The following TGM1 variants were observed in gnomAD, a reference collection of about 807,000 sequenced individuals.
TGM1 encodes transglutaminase 1.
Under a neutral mutation model 88.7 loss-of-function variants are expected in TGM1, and 63 were observed. That is an observed-to-expected ratio of 0.71 (90% CI 0.58 to 0.88). The LOEUF is 0.88. TGM1 is among the 40% of genes least tolerant of loss of function. The probability of loss-of-function intolerance (pLI) is 0.00; values close to 1 mark genes in which losing one functional copy is unlikely to be tolerated. For synonymous variants in TGM1, 415 were observed against 431.1 expected (o/e 0.96, Z 0.46); for missense variants, 996 against 1,118.0 (o/e 0.89, Z 1.56).
chr14:24,261,654 A>G (rs757536573), intron 3 of TGM1, 41 bp downstream of exon 3: 2 of 1,613,118 alleles, frequency 1.2e-6, no homozygotes, highest in East Asian at 2.2e-5. Flanking sequence ...CTCCCCACCA[A>G]ACATAGGGCC....
chr14:24,255,637 A>G lies in TGM1; in HGVS notation c.1492-120T>C, dbSNP rs2040744581. The G allele has an allele frequency of 1.3e-5, 18 of 1,392,156 alleles. No homozygotes were observed. Among genetic ancestry groups the G allele is most frequent in the Non-Finnish European group, 1.8e-5 (18 of 1,004,016 alleles). The allele number at this position is 1,392,156 out of a possible 1,614,324, so 86.2% of individuals were successfully genotyped here. A position where few individuals can be genotyped will look rare whatever the true frequency, so the allele number is the denominator to read the frequency against. On this transcript the variant is annotated intron_variant, in intron 10 of 14. Transcript: ENST00000206765. This position sits in a 1 kb window ranked among gnomAD's most constrained non-coding sequence, Gnocchi z 4.0. ...GACAGGGCTTGGTCCCAAGGGTGGG[A>G]GCTTCCTGGCAGAGCCCAAGGGGAG...
chr14:24,251,167 T>C (rs2855094), intron 14 of TGM1, among the ~76,000 whole-genome samples: 134,541 of 152,174 alleles, frequency 0.88, 59,556 homozygotes, highest in Admixed American at 0.92. Flanking sequence ...TTCTGAGCTC[T>C]CTGAAGGAGG....
chr14:24,252,518 T>C (rs945105197), intron 14 of TGM1, among the ~76,000 whole-genome samples: 1 of 152,148 alleles, frequency 6.6e-6, no homozygotes, highest in Non-Finnish European at 1.5e-5. Context: ...TGGGCAAGAC[T>C]AGCAGAGCAG....
Position 24,258,605 on chromosome 14 carries a change from ATG to A in TGM1, c.1226_1227del (p.Thr409IlefsTer21), listed in dbSNP as rs1555306113. 1.2e-6 allele frequency: 2 copies of A among 1,614,190 alleles called. No individual in the cohort carries two copies. Among genetic ancestry groups the A allele is most frequent in the Non-Finnish European group, 1.7e-6 (2 of 1,180,042 alleles). On this transcript the variant is annotated frameshift_variant, in exon 8 of 15. Transcript: ENST00000206765. LOFTEE classifies it high-confidence loss of function. The part of the protein sequence containing the change: ...TNFNSAHDTD[T>X]SLTMDIYFDE... ...TCGAAGTAGATGTCCATGGTAAGGG[ATG>A]TGTCTGTGTCGTGGGCGGAGTTGAA... is the stretch of plus-strand genomic sequence containing the variant.
chr14:24,255,562 T>A lies in TGM1; in HGVS notation c.1492-45A>T. 1.9e-6 allele frequency: 3 copies of A among 1,610,662 alleles called. No homozygotes were observed. Among genetic ancestry groups the A allele is most frequent in the Non-Finnish European group, 1.7e-6 (2 of 1,179,518 alleles). ...GCAGGAATGAGTGAGCCAGAGGGTC[T>A]GAGGGTGGCCTGACTCCCGGCCTCC... On this transcript the variant is annotated intron_variant, in intron 10 of 14. Coordinates refer to ENST00000206765, the MANE Select transcript of TGM1 (RefSeq NM_000359.3). The surrounding 1 kb of genome is among the most constrained non-coding windows in gnomAD (Gnocchi z 4.0).
intron 14 of TGM1, 40 bp from the exon 15 acceptor site, chr14:24,249,581 G>C (rs1367590740): frequency 1.9e-6 from 3 of 1,562,544 alleles, no homozygotes; most frequent in Admixed American, 3.5e-5. Flanking sequence ...GAGTAATTGG[G>C]GGTGGAGTGG....
intron 14 of TGM1, 139 bp downstream of exon 14, chr14:24,254,013 G>C: frequency 1.6e-6 from 2 of 1,241,312 alleles, no homozygotes; most frequent in Non-Finnish European, 2.3e-6. Context: ...GGGAGGTATT[G>C]CTAGCTGGCC....
Position 24,259,692 on chromosome 14 carries a change from G to A in TGM1, c.984+12C>T. On this transcript the variant is annotated intron_variant, in intron 6 of 14. Transcript: ENST00000206765. This position sits in a 1 kb window ranked among gnomAD's most constrained non-coding sequence, Gnocchi z 5.7. ...CACACACAGTAGGACTCAGAGATGT[G>A]AGGGTGCTCACCATGGCAGAGATGA... 1 of 1,603,580 alleles carries A rather than the reference G, an allele frequency of 6.2e-7. No individual in the cohort carries two copies. Among genetic ancestry groups the A allele is most frequent in the Non-Finnish European group, 8.5e-7 (1 of 1,173,954 alleles).
At chr14:24,249,779 CT>C (rs1262638203) in intron 14 of TGM1, among the ~76,000 whole-genome samples, 4 of 152,126 alleles carry the variant, frequency 2.6e-5, no homozygotes, top group Admixed American at 2.6e-4. Flanking sequence ...GGACTCCTCC[CT>C]CCCTGCTCCC....
At position 24,259,661 on chromosome 14, in the gene TGM1, C is replaced by T; in HGVS notation, c.984+43G>A. 5.3e-6 allele frequency: 8 copies of T among 1,520,694 alleles called. No homozygotes were observed. The highest frequency in any genetic ancestry group is 7.2e-6 in the Non-Finnish European group (8 of 1,107,192). 94.2% of individuals were successfully genotyped at this position (1,520,694 alleles called of 1,614,324 possible). On this transcript the variant is annotated intron_variant, in intron 6 of 14. Transcript: ENST00000206765. The surrounding 1 kb of genome is among the most constrained non-coding windows in gnomAD (Gnocchi z 5.7). ...GGAGGGTGGGGGTGTGGCGAGGCAG[C>T]AGGCACACACACAGTAGGACTCAGA...
chr14:24,254,338 C>T, intron 13 of TGM1, 50 bp from the exon 14 acceptor site: 3 of 1,613,382 alleles, frequency 1.9e-6, no homozygotes, highest in Non-Finnish European at 2.5e-6. Flanking sequence ...TGGCCAAACA[C>T]ACGGGGACCG....
chr14:24,255,538 C>T lies in TGM1; in HGVS notation c.1492-21G>A, dbSNP rs761471041. 3.7e-5 allele frequency: 60 copies of T among 1,612,268 alleles called. No individual in the cohort carries two copies. Among genetic ancestry groups the T allele is most frequent in the Non-Finnish European group, 3.7e-5 (44 of 1,180,008 alleles). ...TTCACCTGTGGGGGGTGGGGGTGAG[C>T]AGGAATGAGTGAGCCAGAGGGTCTG... On this transcript the variant is annotated intron_variant, in intron 10 of 14. Coordinates refer to ENST00000206765, the MANE Select transcript of TGM1 (RefSeq NM_000359.3). The surrounding 1 kb of genome is among the most constrained non-coding windows in gnomAD (Gnocchi z 4.0).
At chr14:24,249,637 T>TCC in intron 14 of TGM1, 96 bp from the exon 15 acceptor site, 2 of 1,107,940 alleles carry the variant, frequency 1.8e-6, no homozygotes, top group Non-Finnish European at 2.7e-6. Flanking sequence ...AAGCAGGAGG[T>TCC]GGACCCATTC....
chr14:24,255,285 A>G lies in TGM1; in HGVS notation c.1646-32T>C, dbSNP rs776380740. ...GTTGAGGGTCAAGGGTGAGGTTCCA[A>G]TTCCCACGTGGGTGGCCAAGCACTT... On this transcript the variant is annotated intron_variant, in intron 11 of 14. Transcript: ENST00000206765. The surrounding 1 kb of genome is among the most constrained non-coding windows in gnomAD (Gnocchi z 4.0). 33 of 1,613,984 alleles carry G rather than the reference A, an allele frequency of 2.0e-5. 1 individual carries two copies. In the South Asian group the frequency reaches 2.1e-4, roughly 10 times the overall value.
Position 24,249,444 on chromosome 14 carries a change from G to A in TGM1, c.2323C>T (p.Leu775Phe), listed in dbSNP as rs865782879. The change falls in exon 15 of 15, where the codon CTC becomes TTC. Residue 775 changes from leucine (L) to phenylalanine (F), a missense_variant. Leu to Phe is a conservative substitution (Grantham distance 22, BLOSUM62 0). Coordinates refer to ENST00000206765, the MANE Select transcript of TGM1 (RefSeq NM_000359.3). ...TGGATGACACCGTGCACCTGGGAGA[G>A]CTGTGGGCTGTCCAAGCTGGCAATG... ...QLIASLDSPQ[L>F]SQVHGVIQVD... The A allele has an allele frequency of 6.2e-7, 1 of 1,614,080 alleles. No individual in the cohort carries two copies. Among genetic ancestry groups the A allele is most frequent in the African/African-American group, 1.3e-5 (1 of 75,026 alleles).
rs752832687 is a variant in TGM1, at chr14:24,249,232, G to A, written c.*81C>T. 1 of 1,321,588 alleles carries A rather than the reference G, an allele frequency of 7.6e-7. No individual in the cohort carries two copies. Among genetic ancestry groups the A allele is most frequent in the Non-Finnish European group, 1.1e-6 (1 of 928,600 alleles). The allele number at this position is 1,321,588 out of a possible 1,614,324, so 81.9% of individuals were successfully genotyped here. A position where few individuals can be genotyped will look rare whatever the true frequency, so the allele number is the denominator to read the frequency against. On this transcript the variant is annotated 3_prime_UTR_variant, in exon 15 of 15. Coordinates refer to ENST00000206765, the MANE Select transcript of TGM1 (RefSeq NM_000359.3). ...CTGGACTCCCCACCTGAGCTCCTGG[G>A]GAGCTGCTCTGTAGTGTGCCCCTAT... is the stretch of plus-strand genomic sequence containing the variant.
At chr14:24,260,286 G>T in intron 4 of TGM1, 164 bp downstream of exon 4, 1 of 1,211,816 alleles carries the variant, frequency 8.3e-7, no homozygotes, top group Non-Finnish European at 1.2e-6. Flanking sequence ...GTGACCCTGG[G>T]CTGGCCACCT....
chr14:24,258,441 C>T (rs2040776029), intron 8 of TGM1, 53 bp from the exon 9 acceptor site: 1 of 1,612,810 alleles, frequency 6.2e-7, no homozygotes, highest in Admixed American at 1.7e-5. Flanking sequence ...CAGGAGTCCT[C>T]AGTTTCCCCA....
intron 3 of TGM1, among the ~76,000 whole-genome samples, chr14:24,260,990 C>T (rs2040804294): frequency 1.3e-5 from 2 of 152,162 alleles, no homozygotes; most frequent in Non-Finnish European, 2.9e-5. Context: ...GCCTGCCTGA[C>T]TATCACAGTG....
Sources: gnomAD v4.1 joint callset for allele counts (sites outside exome capture counted in the v4.1 genomes callset) on GRCh38, gnomAD v4.1.1 for gene constraint, Gnocchi (gnomAD v3.1) non-coding constraint, MANE v1.5 for transcripts, NCBI Gene and HGNC (gene_info 2026-07-23, HGNC 2026-07-21) for gene names.